NBN: variants seen among roughly 807,000 people sequenced by gnomAD.
NBN encodes Nijmegen breakage syndrome 1 (nibrin).
NBN carries 88 observed loss-of-function variants against 90.8 expected under a neutral mutation model. That is an observed-to-expected ratio of 0.97 (90% CI 0.82 to 1.16). The LOEUF (loss-of-function observed/expected upper bound fraction) is 1.16, where lower values mean the gene tolerates loss of function less well. Among genes scored for constraint, NBN ranks in the 50% most tolerant of loss-of-function variants. NBN has a pLI of 0.00. For synonymous variants in NBN, 328 were observed against 295.1 expected (o/e 1.11, Z -1.14); for missense variants, 894 against 869.6 (o/e 1.03, Z -0.35).
chr8:89,962,315 G>A (rs1046859443), intron 8 of NBN, among the ~76,000 whole-genome samples: 3 of 152,146 alleles, frequency 2.0e-5, no homozygotes, highest in African/African-American at 7.2e-5. Flanking sequence ...CCCCAAATGG[G>A]TGCTGAGACA....
rs876660925 is a variant in NBN, at chr8:89,958,727, T to C, written c.1122A>G (p.Thr374=). ...GTACGGTAATGAAGAAGCTTTACCA[T>C]GTATCTGCTTGCTCTGATTCTGTGT... is the stretch of plus-strand genomic sequence containing the variant. ...VADTESEQAD[T]WDLSERPKEI... The change falls in exon 9 of 16, where the codon ACA becomes ACG. Residue 374 remains threonine (T), a splice_region_variant and synonymous_variant. Transcript: ENST00000265433. The C allele has an allele frequency of 1.1e-5, 17 of 1,613,842 alleles. No homozygotes were observed. The highest frequency in any genetic ancestry group is 3.3e-5 in the Admixed American group (2 of 59,996).
intron 5 of NBN, among the ~76,000 whole-genome samples, chr8:89,973,273 A>G (rs756425346): frequency 2.0e-5 from 3 of 152,260 alleles, no homozygotes; most frequent in African/African-American, 4.8e-5. Context: ...ATTCAACTTA[A>G]TAATTTAAAA....
intron 2 of NBN, 86 bp from the exon 3 acceptor site, chr8:89,981,609 AGGC>A: frequency 6.8e-7 from 1 of 1,462,178 alleles, no homozygotes; most frequent in Non-Finnish European, 9.4e-7. Context: ...AAAAGACAAT[AGGC>A]AGGTGGCTAA....
chr8:89,984,361 C>A (rs1217667373), intron 1 of NBN, 164 bp downstream of exon 1: 4 of 705,154 alleles, frequency 5.7e-6, no homozygotes, highest in African/African-American at 5.4e-5. Context: ...CCGTGCTGCC[C>A]GGGAAGAATA....
rs554501875 is a variant in NBN at position 89,976,739 on chromosome 8, G to A, written c.584+1481C>T. On this transcript the variant is annotated intron_variant, in intron 5 of 15. Transcript: ENST00000265433. ...CATCTGTCGCTGGGTCAGGGTCTGCGGGTCAGACCTGGCACATACTGAGGG... is the reference window on the plus strand; with the variant it reads ...CATCTGTCGCTGGGTCAGGGTCTGCAGGTCAGACCTGGCACATACTGAGGG... 2.6e-4 allele frequency among the ~76,000 whole-genome samples: 39 copies of A among 152,216 alleles called. No homozygotes were observed. The East Asian group carries it at 6.4e-3, about 25-fold the overall frequency.
chr8:89,944,535 T>C (rs1035470364), intron 13 of NBN, among the ~76,000 whole-genome samples: 27 of 152,222 alleles, frequency 1.8e-4, no homozygotes, highest in Middle Eastern at 3.4e-3. Flanking sequence ...CTAATAAACT[T>C]TCCTTTTCCA....
chr8:89,953,745 T>A, intron 10 of NBN, 54 bp from the exon 11 acceptor site: 1 of 1,409,340 alleles, frequency 7.1e-7, no homozygotes, highest in Non-Finnish European at 9.7e-7. Flanking sequence ...CACAGCTAAG[T>A]AACCATTTAG....
chr8:89,970,328 CTT>C, intron 7 of NBN, 34 bp downstream of exon 7: 2 of 1,508,510 alleles, frequency 1.3e-6, no homozygotes, highest in Non-Finnish European at 1.8e-6. Context: ...AAATCTCCTA[CTT>C]GCAGTTTTTT....
chr8:89,959,655 A>G (rs1810901208), intron 8 of NBN, among the ~76,000 whole-genome samples: 2 of 151,944 alleles, frequency 1.3e-5, no homozygotes, highest in African/African-American at 4.8e-5. Context: ...TCAGGAGGCT[A>G]AAGTGGGAGG....
Position 89,984,614 on chromosome 8 carries a change from C to T in NBN, c.-53G>A. The T allele has an allele frequency of 1.2e-6, 2 of 1,605,718 alleles. No homozygotes were observed. The highest frequency in any genetic ancestry group is 1.7e-6 in the Non-Finnish European group (2 of 1,176,316). Reference sequence around the variant, plus strand: ...ACGTGCAACCGCGTAACCGGGGCTGCTAGACGAGCGCGGATACGGCGCCTG... The same window carrying T: ...ACGTGCAACCGCGTAACCGGGGCTGTTAGACGAGCGCGGATACGGCGCCTG... On this transcript the variant is annotated 5_prime_UTR_variant, in exon 1 of 16. The change abolishes the stop of an existing upstream ORF in the 5' untranslated region. Coordinates refer to ENST00000265433, the MANE Select transcript of NBN (RefSeq NM_002485.5).
Position 89,946,360 on chromosome 8 carries a change from T to C in NBN, c.1915-65A>G, listed in dbSNP as rs147042497. 3.9e-4 allele frequency: 555 copies of C among 1,418,086 alleles called. 2 individuals are homozygous for C. The African/African-American group carries it at 7.1e-3, about 18-fold the overall frequency. The allele number at this position is 1,418,086 out of a possible 1,614,324, so 87.8% of individuals were successfully genotyped here. ...AATAACAAAGAAAAGTCACTTGTCA[T>C]TTGGGAATCTATAGAAAAAAGTTCA... On this transcript the variant is annotated intron_variant, in intron 12 of 15. Coordinates refer to ENST00000265433, the MANE Select transcript of NBN (RefSeq NM_002485.5).
Position 89,933,451 on chromosome 8 carries a change from A to G in NBN, c.*2131T>C, listed in dbSNP as rs1469283716. The G allele has an allele frequency of 3.5e-5, 8 of 229,092 alleles. No homozygotes were observed. The highest frequency in any genetic ancestry group is 1.8e-4 in the South Asian group (1 of 5,496). 14.2% of individuals were successfully genotyped at this position (229,092 alleles called of 1,614,324 possible). ...CAAGGATGGACAAACATTTCAGTGT[A>G]ACCAAACAGAAAGTCCAGAAACAGA... is the stretch of plus-strand genomic sequence containing the variant. On this transcript the variant is annotated 3_prime_UTR_variant, in exon 16 of 16. Transcript: ENST00000265433.
At chr8:89,955,184 TA>T in intron 10 of NBN, 98 bp downstream of exon 10, 1 of 1,196,540 alleles carries the variant, frequency 8.4e-7, no homozygotes, top group Non-Finnish European at 1.2e-6. Flanking sequence ...AGCAGAAGCA[TA>T]CTTAATCAGA....
chr8:89,964,657 T>C, intron 7 of NBN, 150 bp from the exon 8 acceptor site: 1 of 721,270 alleles, frequency 1.4e-6, no homozygotes, highest in Non-Finnish European at 2.2e-6. Context: ...TATAATAGCT[T>C]ACTCGCTGGG....
intron 13 of NBN, among the ~76,000 whole-genome samples, chr8:89,944,360 T>G (rs1810093016): frequency 6.6e-6 from 1 of 152,124 alleles, no homozygotes; most frequent in Non-Finnish European, 1.5e-5. Context: ...CTTTTATAAG[T>G]AACTAAAATT....
At chr8:89,980,973 G>A (rs1240631249) in intron 3 of NBN, 80 bp from the exon 4 acceptor site, 1 of 1,224,362 alleles carries the variant, frequency 8.2e-7, no homozygotes, top group Non-Finnish European at 1.2e-6. Flanking sequence ...AAAACTTTAA[G>A]CTCACATCAT....
At chr8:89,960,377 G>A (rs867857275) in intron 8 of NBN, among the ~76,000 whole-genome samples, 2 of 151,554 alleles carry the variant, frequency 1.3e-5, no homozygotes, top group Non-Finnish European at 2.9e-5. Flanking sequence ...ATGTAGGCTC[G>A]GTGAGGTGGC....
intron 14 of NBN, among the ~76,000 whole-genome samples, chr8:89,939,208 G>A (rs748463149): frequency 8.6e-5 from 13 of 151,344 alleles, no homozygotes; most frequent in Non-Finnish European, 1.3e-4. Context: ...AAGAAGGGAT[G>A]AAAAAGAAAA....
intron 7 of NBN, among the ~76,000 whole-genome samples, chr8:89,965,485 A>G (rs932804711): frequency 2.0e-5 from 3 of 151,940 alleles, no homozygotes; most frequent in Admixed American, 2.0e-4. Context: ...TACTCATTGT[A>G]AAGATTTTTT....
Sources: allele counts gnomAD v4.1 joint callset (sites outside exome capture counted in the v4.1 genomes callset), GRCh38; gene constraint gnomAD v4.1.1; transcripts MANE v1.5; gene names NCBI Gene and HGNC (gene_info 2026-07-23, HGNC 2026-07-21).